Variants in NOL4 observed in about 807,000 individuals in gnomAD.
The protein encoded by NOL4 is nucleolar protein 4.
A neutral mutation model predicts 75.9 loss-of-function variants in NOL4; 17 were observed. The ratio of observed to expected loss-of-function variants is 0.22; its 90% CI spans 0.15 to 0.34. The LOEUF is 0.34. Among genes scored for constraint, NOL4 ranks in the 10% least tolerant of loss-of-function variants. The pLI, the probability that NOL4 is intolerant of heterozygous loss-of-function variation, is 1.00. For synonymous variants in NOL4, 292 were observed against 289.9 expected (o/e 1.01, Z -0.07); for missense variants, 614 against 793.5 (o/e 0.77, Z 2.72).
intron 9 of NOL4, among the ~76,000 whole-genome samples, chr18:33,908,386 G>A (rs759256067): frequency 2.0e-5 from 3 of 152,126 alleles, no homozygotes; most frequent in Non-Finnish European, 2.9e-5. Flanking sequence ...AGAAACGGGT[G>A]TGCCAACATG....
At chr18:34,057,706 G>T (rs1286502049) in intron 5 of NOL4, among the ~76,000 whole-genome samples, 1 of 152,206 alleles carries the variant, frequency 6.6e-6, no homozygotes, top group Non-Finnish European at 1.5e-5. Flanking sequence ...CCTGAAGGAA[G>T]TTGCACTTGA....
chr18:33,978,706 T>C (rs1479415848), intron 6 of NOL4, among the ~76,000 whole-genome samples: 8 of 152,062 alleles, frequency 5.3e-5, no homozygotes, highest in Non-Finnish European at 1.2e-4. Context: ...TGGCATAGTA[T>C]TTGCATACTA....
chr18:34,128,576 C>A (rs887651846), intron 2 of NOL4, among the ~76,000 whole-genome samples: 1 of 151,724 alleles, frequency 6.6e-6, no homozygotes, highest in East Asian at 1.9e-4. Context: ...TATCATTAGT[C>A]ATGAAAAGAA....
At position 34,222,206 on chromosome 18, in the gene NOL4, T is replaced by C. The variant is rs569591977; in HGVS notation, c.264+784A>G. ...CCTCGCGGCGCCTGGGCTAGAGCTT[T>C]GTGGCCATGAGACTAGAGCCACCCC... On this transcript the variant is annotated intron_variant, in intron 1 of 10. Coordinates refer to ENST00000261592, the MANE Select transcript of NOL4 (RefSeq NM_003787.5). 2.0e-5 allele frequency: 29 copies of C among 1,443,034 alleles called. No individual in the cohort carries two copies. In the South Asian group the frequency reaches 3.6e-4, roughly 18 times the overall value. 89.4% of individuals were successfully genotyped at this position (1,443,034 alleles called of 1,614,324 possible).
chr18:34,169,146 C>A (rs2032753123), intron 1 of NOL4, among the ~76,000 whole-genome samples: 1 of 151,568 alleles, frequency 6.6e-6, no homozygotes, highest in African/African-American at 2.4e-5. Context: ...AAATAGTAAC[C>A]ACATGAATAT....
intron 1 of NOL4, among the ~76,000 whole-genome samples, chr18:34,219,724 G>A (rs2037164471): frequency 6.6e-6 from 1 of 152,214 alleles, no homozygotes; most frequent in Non-Finnish European, 1.5e-5. Context: ...CACTTTTAAT[G>A]AAAGAATGTA....
chr18:33,936,915 G>T (rs992934395), intron 9 of NOL4, among the ~76,000 whole-genome samples: 1 of 151,846 alleles, frequency 6.6e-6, no homozygotes, highest in African/African-American at 2.4e-5. Flanking sequence ...TTGCCTCTTT[G>T]TCTTCAAATG....
At chr18:34,175,449 A>C (rs930168977) in intron 1 of NOL4, among the ~76,000 whole-genome samples, 1 of 152,158 alleles carries the variant, frequency 6.6e-6, no homozygotes, top group Non-Finnish European at 1.5e-5. Flanking sequence ...GAATGAAAAA[A>C]TCCATAGATT....
At chr18:33,982,878 G>A (rs1037583924) in intron 6 of NOL4, among the ~76,000 whole-genome samples, 12 of 150,504 alleles carry the variant, frequency 8.0e-5, no homozygotes, top group East Asian at 6.0e-4. Context: ...AGCCTCCCAC[G>A]TAGCTGGGAT....
chr18:34,185,803 C>T (rs940646654), intron 1 of NOL4, among the ~76,000 whole-genome samples: 1 of 152,142 alleles, frequency 6.6e-6, no homozygotes, highest in Admixed American at 6.6e-5. Flanking sequence ...CAAATCATGA[C>T]GTATCTCCTA....
chr18:34,012,907 G>T (rs2074456679), intron 6 of NOL4, among the ~76,000 whole-genome samples: 1 of 151,962 alleles, frequency 6.6e-6, no homozygotes, highest in South Asian at 2.1e-4. Flanking sequence ...GAGATGATTG[G>T]TCTCACACAG....
Position 34,139,433 on chromosome 18 carries a change from T to C in NOL4, c.265-9413A>G, listed in dbSNP as rs1170469649. ...GGGTGTATGTGTCCAGGAATTTATCTATTTCTTCTAGATTTTCTAGTTTAT... is the reference window on the plus strand; with the variant it reads ...GGGTGTATGTGTCCAGGAATTTATCCATTTCTTCTAGATTTTCTAGTTTAT... On this transcript the variant is annotated intron_variant, in intron 1 of 10. Coordinates refer to ENST00000261592, the MANE Select transcript of NOL4 (RefSeq NM_003787.5). Among the ~76,000 whole-genome samples the C allele has an allele frequency of 2.6e-5, 4 of 152,090 alleles. No individual in the cohort carries two copies. In the East Asian group the frequency reaches 5.8e-4, roughly 22 times the overall value.
intron 6 of NOL4, among the ~76,000 whole-genome samples, chr18:33,981,904 A>G (rs1418420424): frequency 6.6e-6 from 1 of 152,140 alleles, no homozygotes; most frequent in Non-Finnish European, 1.5e-5. Flanking sequence ...ACATAAGAGA[A>G]GTGAGGGAAG....
intron 6 of NOL4, among the ~76,000 whole-genome samples, chr18:34,017,499 A>G (rs1172572615): frequency 3.3e-5 from 5 of 152,150 alleles, no homozygotes; most frequent in South Asian, 2.1e-4. Context: ...CAAATTTTCA[A>G]TAGATGATAT....
chr18:34,115,076 G>T (rs1310510036), intron 2 of NOL4, among the ~76,000 whole-genome samples: 11 of 152,144 alleles, frequency 7.2e-5, no homozygotes, highest in Non-Finnish European at 1.5e-4. Context: ...CTCTAACAAA[G>T]AGCAGCCTGG....
rs188240653 is a variant in NOL4, at chr18:34,135,563, G to T, written c.265-5543C>A. ...ATACAAAAAATTAGCCAGGTGTGGC[G>T]GTGGGCGCCTGTAGTGCCCGCTACT... On this transcript the variant is annotated intron_variant, in intron 1 of 10. Transcript: ENST00000261592. Among the ~76,000 whole-genome samples the T allele has an allele frequency of 5.6e-3, 846 of 151,526 alleles. 11 individuals carry two copies. Among genetic ancestry groups the T allele is most frequent in the African/African-American group, 0.02 (811 of 41,294 alleles).
chr18:33,858,389 T>TA lies in NOL4; in HGVS notation c.1724-5355dup, dbSNP rs553635985. 1.3e-3 allele frequency among the ~76,000 whole-genome samples: 196 copies of TA among 148,482 alleles called. 1 individual carries two copies. The highest frequency in any genetic ancestry group is 0.01 in the Middle Eastern group (3 of 294). On this transcript the variant is annotated intron_variant, in intron 10 of 10. Transcript: ENST00000261592. ...ATATTGTAGTTCTTTTGCCAAAGAG[T>TA]AAAAAAAAAATCAACTATAAAACCT...
At chr18:33,903,300 G>A (rs1401886590) in intron 9 of NOL4, among the ~76,000 whole-genome samples, 1 of 152,136 alleles carries the variant, frequency 6.6e-6, no homozygotes, top group African/African-American at 2.4e-5. Flanking sequence ...TCACTATGAT[G>A]AGAACAGCAT....
At chr18:33,982,742 ATTTTTTTTTTTT>A (rs953221382) in intron 6 of NOL4, among the ~76,000 whole-genome samples, 15 of 104,908 alleles carry the variant, frequency 1.4e-4, no homozygotes, top group South Asian at 3.5e-4. Context: ...AGACAATGGG[ATTTTTTTTTTTT>A]TTTTTTTTTT....
Sources: allele counts gnomAD v4.1 joint callset (sites outside exome capture counted in the v4.1 genomes callset), GRCh38; gene constraint gnomAD v4.1.1; transcripts MANE v1.5; gene names NCBI Gene and HGNC (gene_info 2026-07-23, HGNC 2026-07-21).